The following TAFA1 variants were observed in gnomAD, a reference collection of about 807,000 sequenced individuals.
TAFA1 encodes chemokine-like protein TAFA-1.
In TAFA1, 4 loss-of-function variants were observed where a neutral mutation model predicts 18.5. The observed-to-expected ratio is 0.22, with a 90% CI of 0.11 to 0.49. The LOEUF (loss-of-function observed/expected upper bound fraction) is 0.49. TAFA1 is among the 20% of genes least tolerant of loss of function. The probability of loss-of-function intolerance (pLI) is 0.98; values close to 1 mark genes in which losing one functional copy is unlikely to be tolerated. For synonymous variants in TAFA1, 56 were observed against 55.2 expected (o/e 1.01, Z -0.06); for missense variants, 147 against 169.0 (o/e 0.87, Z 0.72).
intron 2 of TAFA1, among the ~76,000 whole-genome samples, chr3:68,064,221 T>C (rs1251337380): frequency 6.6e-6 from 1 of 152,130 alleles, no homozygotes; most frequent in Non-Finnish European, 1.5e-5. Flanking sequence ...AAAAACCAGC[T>C]GGGAGGACAT....
At chr3:68,075,740 A>G in intron 2 of TAFA1, among the ~76,000 whole-genome samples, 1 of 143,662 alleles carries the variant, frequency 7.0e-6, no homozygotes, top group Admixed American at 7.2e-5. Context: ...TCTGTCACCC[A>G]GGCTAGAGTA....
intron 3 of TAFA1, among the ~76,000 whole-genome samples, chr3:68,482,915 G>A (rs1037409748): frequency 6.6e-6 from 1 of 152,192 alleles, no homozygotes; most frequent in Non-Finnish European, 1.5e-5. Flanking sequence ...TCCTGGAAGT[G>A]CCTAAAGTTA....
At chr3:68,062,508 A>G (rs1227230851) in intron 2 of TAFA1, among the ~76,000 whole-genome samples, 1 of 152,248 alleles carries the variant, frequency 6.6e-6, no homozygotes, top group Non-Finnish European at 1.5e-5. Context: ...AATAAACAGC[A>G]AGAACAAAGC....
At chr3:68,525,097 G>A (rs2073088749) in intron 3 of TAFA1, among the ~76,000 whole-genome samples, 1 of 152,192 alleles carries the variant, frequency 6.6e-6, no homozygotes, top group South Asian at 2.1e-4. Flanking sequence ...GAACTAAGAT[G>A]TTGAACTTTT....
At chr3:68,031,484 A>G (rs1331942109) in intron 2 of TAFA1, among the ~76,000 whole-genome samples, 2 of 152,168 alleles carry the variant, frequency 1.3e-5, no homozygotes, top group African/African-American at 4.8e-5. Context: ...GGCAAGAAGT[A>G]TGTGCTGAGT....
chr3:68,027,680 G>A (rs571390963), intron 2 of TAFA1, among the ~76,000 whole-genome samples: 1 of 152,028 alleles, frequency 6.6e-6, no homozygotes, highest in East Asian at 1.9e-4. Context: ...TCCTAAGTGT[G>A]GACTTTAAAT....
chr3:68,410,367 C>G (rs1057401788), intron 2 of TAFA1, among the ~76,000 whole-genome samples: 2 of 152,004 alleles, frequency 1.3e-5, no homozygotes, highest in Non-Finnish European at 2.9e-5. Context: ...AACTGGGAAG[C>G]AGAGTACATT....
intron 2 of TAFA1, among the ~76,000 whole-genome samples, chr3:68,019,781 A>C (rs1427271518): frequency 1.3e-5 from 2 of 152,184 alleles, no homozygotes; most frequent in African/African-American, 4.8e-5. Flanking sequence ...CAACAACAAC[A>C]ACAACGAAAA....
chr3:68,301,268 C>T (rs1012364006), intron 2 of TAFA1, among the ~76,000 whole-genome samples: 2 of 152,106 alleles, frequency 1.3e-5, no homozygotes, highest in Non-Finnish European at 2.9e-5. Context: ...CTTCATCCTC[C>T]TTATGTAAAA....
At chr3:68,400,472 A>T (rs1559652534) in intron 2 of TAFA1, among the ~76,000 whole-genome samples, 2 of 152,180 alleles carry the variant, frequency 1.3e-5, no homozygotes, top group African/African-American at 4.8e-5. Context: ...AGAGAGCTTT[A>T]TTGCTTATGC....
chr3:68,284,088 G>A (rs75516035), intron 2 of TAFA1, among the ~76,000 whole-genome samples: 2,423 of 152,078 alleles, frequency 0.016, 74 homozygotes, highest in East Asian at 0.13. Flanking sequence ...CCTTGGCCAA[G>A]TTATTTTGAA....
chr3:68,045,972 A>G (rs1705259253), intron 2 of TAFA1, among the ~76,000 whole-genome samples: 1 of 152,146 alleles, frequency 6.6e-6, no homozygotes, highest in African/African-American at 2.4e-5. Context: ...AAGTTTTGGG[A>G]ATTAGCTTAG....
chr3:68,431,931 A>C (rs1468319711), intron 3 of TAFA1, among the ~76,000 whole-genome samples: 1 of 152,040 alleles, frequency 6.6e-6, no homozygotes, highest in Non-Finnish European at 1.5e-5. Context: ...AGATCAAGTA[A>C]GCGTGAGGAA....
chr3:68,055,818 G>A (rs1410657345), intron 2 of TAFA1, among the ~76,000 whole-genome samples: 1 of 152,024 alleles, frequency 6.6e-6, no homozygotes, highest in Non-Finnish European at 1.5e-5. Flanking sequence ...TTAGAATGTT[G>A]GCTGGGGCTG....
At position 68,467,916 on chromosome 3, in the gene TAFA1, T is replaced by C. The variant is rs148894475; in HGVS notation, c.259+50496T>C. On this transcript the variant is annotated intron_variant, in intron 3 of 4. Coordinates refer to ENST00000478136, the MANE Select transcript of TAFA1 (RefSeq NM_213609.4). ...GTAGTTTGATCAATGACAGAATCTT[T>C]TTCAGTAAATGTTCCAGAAACTAGA... 3.1e-3 allele frequency among the ~76,000 whole-genome samples: 479 copies of C among 152,328 alleles called. 3 individuals are homozygous for C. The highest frequency in any genetic ancestry group is 0.011 in the African/African-American group (451 of 41,578).
intron 3 of TAFA1, among the ~76,000 whole-genome samples, chr3:68,534,708 GT>G (rs2073246676): frequency 6.6e-6 from 1 of 152,064 alleles, no homozygotes; most frequent in African/African-American, 2.4e-5. Flanking sequence ...TGAATTAAAG[GT>G]GATGCATGGG....
chr3:68,259,887 G>T (rs1369117024), intron 2 of TAFA1, among the ~76,000 whole-genome samples: 1 of 152,022 alleles, frequency 6.6e-6, no homozygotes, highest in East Asian at 1.9e-4. Context: ...CTGCAAACAG[G>T]GACAATTTGA....
chr3:68,010,150 G>T (rs1704442397), intron 2 of TAFA1, among the ~76,000 whole-genome samples: 1 of 152,156 alleles, frequency 6.6e-6, no homozygotes, highest in Non-Finnish European at 1.5e-5. Flanking sequence ...TTCACTCAGA[G>T]CCTTGAATGG....
At chr3:68,420,670 C>T (rs2070937411) in intron 3 of TAFA1, among the ~76,000 whole-genome samples, 2 of 152,286 alleles carry the variant, frequency 1.3e-5, no homozygotes, top group South Asian at 4.1e-4. Flanking sequence ...GGAGCTGCTA[C>T]TGATACCTAG....
Sources: gnomAD v4.1 joint callset for allele counts (sites outside exome capture counted in the v4.1 genomes callset) on GRCh38, gnomAD v4.1.1 for gene constraint, MANE v1.5 for transcripts, NCBI Gene and HGNC (gene_info 2026-07-23, HGNC 2026-07-21) for gene names.